The following GSTO1 variants were observed in gnomAD, a reference collection of about 807,000 sequenced individuals.
GSTO1 encodes glutathione S-transferase omega 1.
In GSTO1, 27 loss-of-function variants were observed where a neutral mutation model predicts 23.8. That is an observed-to-expected ratio of 1.13 (90% confidence interval 0.83 to 1.56). The LOEUF is 1.56. Ranked by LOEUF, GSTO1 falls within the 40% of genes most tolerant of loss-of-function variation. GSTO1 has a pLI of 0.00. For synonymous variants in GSTO1, 105 were observed against 109.3 expected (o/e 0.96, Z 0.25); for missense variants, 255 against 285.8 (o/e 0.89, Z 0.78).
intron 4 of GSTO1, 35 bp downstream of exon 4, chr10:104,263,112 GATAACT>G (rs1564837383): frequency 8.3e-6 from 7 of 842,130 alleles, no homozygotes; most frequent in Admixed American, 8.1e-5. Flanking sequence ...CAGAGTAAAC[GATAACT>G]ATATCTACCC....
At chr10:104,267,129 ATTT>A in intron 5 of GSTO1, 120 bp from the exon 6 acceptor site, 1 of 573,514 alleles carries the variant, frequency 1.7e-6, no homozygotes, top group South Asian at 3.0e-5. Flanking sequence ...ATTTTTAAAT[ATTT>A]TTAATGAAAT....
intron 3 of GSTO1, among the ~76,000 whole-genome samples, chr10:104,262,436 C>T (rs976996123): frequency 1.3e-5 from 2 of 152,142 alleles, no homozygotes; most frequent in Admixed American, 6.6e-5. Context: ...GTTGGCCGGG[C>T]GTGGTGGCTC....
chr10:104,263,842 G>C (rs2011158679), intron 4 of GSTO1, among the ~76,000 whole-genome samples: 1 of 151,358 alleles, frequency 6.6e-6, no homozygotes, highest in African/African-American at 2.4e-5. Context: ...TGGTTTTTCT[G>C]CATCTGTTAC....
chr10:104,263,317 T>G (rs2011154133), intron 4 of GSTO1, among the ~76,000 whole-genome samples: 1 of 152,236 alleles, frequency 6.6e-6, no homozygotes, highest in African/African-American at 2.4e-5. Context: ...AATATTCTGC[T>G]AATGTTAAAA....
At chr10:104,265,628 T>C (rs7096068) in intron 4 of GSTO1, among the ~76,000 whole-genome samples, 11,232 of 152,260 alleles carry the variant, frequency 0.074, 1,389 homozygotes, top group African/African-American at 0.26. Context: ...TTCTCTTGGG[T>C]GTATAGTGTT....
At chr10:104,254,742 C>T (rs377010308), upstream of GSTO1, 51 of 652,332 alleles carry the variant, frequency 7.8e-5, no homozygotes, top group African/African-American at 6.6e-4. Context: ...GACACAGCCC[C>T]TTAAGATGTT....
chr10:104,255,261 A>T lies in GSTO1; in HGVS notation c.133A>T (p.Lys45Ter). 1.2e-6 allele frequency: 2 copies of T among 1,606,670 alleles called. No homozygotes were observed. The highest frequency in any genetic ancestry group is 1.3e-5 in the African/African-American group (1 of 74,876). Residue 45 changes from lysine (K) to a stop codon, truncating the protein, a stop_gained, in exon 2 of 6, where the codon AAG becomes TAG. Transcript: ENST00000369713. LOFTEE classifies it high-confidence loss of function. ...AERTRLVLKA[K>*]GIRHEVININ... is the part of the protein sequence containing the mutation. The stretch of plus-strand genomic sequence containing the variant: ...GAGGACGCGTCTAGTCCTGAAGGCC[A>T]AGGGAATCAGGTGGGCACCCAGGCG...
rs2011179776 is a variant in GSTO1 at position 104,266,128 on chromosome 10, C to T, written c.510C>T (p.Ile170=). The change falls in exon 5 of 6, where the codon ATC becomes ATT. Residue 170 remains isoleucine, a synonymous_variant. Coordinates refer to ENST00000369713, the MANE Select transcript of GSTO1 (RefSeq NM_004832.3). ...CGACCTTCTTTGGTGGCAATTCTAT[C>T]TCTATGATTGATTACCTCATCTGGC... ...KKTTFFGGNS[I]SMIDYLIWPW... is the part of the protein sequence containing the mutation. The T allele has an allele frequency of 1.2e-6, 2 of 1,610,994 alleles. No homozygotes were observed. The highest frequency in any genetic ancestry group is 1.3e-5 in the African/African-American group (1 of 74,974).
Position 104,255,176 on chromosome 10 carries a change from G to T in GSTO1, c.48G>T (p.Pro16=). The T allele has an allele frequency of 6.2e-7, 1 of 1,613,078 alleles. No homozygotes were observed. The highest frequency in any genetic ancestry group is 8.5e-7 in the Non-Finnish European group (1 of 1,179,210). The part of the protein sequence containing the change: ...ARSLGKGSAP[P]GPVPEGSIRI... Reference sequence around the variant, plus strand: ...TCTCCCCGGCAGGAAGCGCGCCCCCGGGGCCGGTCCCGGAGGGCTCGATCC... The same window carrying T: ...TCTCCCCGGCAGGAAGCGCGCCCCCTGGGCCGGTCCCGGAGGGCTCGATCC... The change falls in exon 2 of 6, where the codon CCG becomes CCT. Residue 16 remains proline (P), a synonymous_variant. Transcript: ENST00000369713.
At chr10:104,263,870 T>C (rs1386771391) in intron 4 of GSTO1, among the ~76,000 whole-genome samples, 2 of 152,174 alleles carry the variant, frequency 1.3e-5, no homozygotes, top group Non-Finnish European at 2.9e-5. Flanking sequence ...GAAATGTTCA[T>C]AGAATTTTTT....
At chr10:104,261,271 T>C (rs1043238493) in intron 3 of GSTO1, among the ~76,000 whole-genome samples, 2 of 152,212 alleles carry the variant, frequency 1.3e-5, no homozygotes, top group African/African-American at 4.8e-5. Context: ...AGAGATTCAT[T>C]GTACTATCTA....
upstream of GSTO1, chr10:104,254,774 C>T (rs753449261): frequency 1.4e-6 from 1 of 710,456 alleles, no homozygotes. Context: ...CCCATAAAGC[C>T]GGGAAGGCAC....
chr10:104,259,543 C>G (rs767238375), intron 2 of GSTO1, 33 bp from the exon 3 acceptor site: 2 of 1,395,488 alleles, frequency 1.4e-6, no homozygotes, highest in Non-Finnish European at 2.0e-6. Context: ...AAAGTTGTTT[C>G]CTTCTCTTCA....
chr10:104,259,048 G>A (rs76619382), intron 2 of GSTO1, among the ~76,000 whole-genome samples: 4,660 of 152,192 alleles, frequency 0.031, 267 homozygotes, highest in African/African-American at 0.11. Context: ...CACTGTTGGC[G>A]GGAATGTAAA....
intron 1 of GSTO1, 82 bp from the exon 2 acceptor site, chr10:104,255,081 T>C: frequency 7.0e-7 from 1 of 1,432,714 alleles, no homozygotes; most frequent in Non-Finnish European, 9.7e-7. Context: ...GGGTCGGAGC[T>C]GCAGTGGGAC....
upstream of GSTO1, chr10:104,254,829 A>G: frequency 1.7e-6 from 2 of 1,194,344 alleles, no homozygotes; most frequent in Non-Finnish European, 2.4e-6. Flanking sequence ...CTTTTGAGCT[A>G]AGGAGGAAGC....
upstream of GSTO1, chr10:104,254,723 A>T (rs45466191): frequency 7.3e-3 from 4,489 of 615,430 alleles, 155 homozygotes; most frequent in African/African-American, 0.073. Context: ...TTGGCCAGCG[A>T]GATGCTTTGA....
At chr10:104,262,788 C>T (rs1167242303) in intron 3 of GSTO1, among the ~76,000 whole-genome samples, 191 bp from the exon 4 acceptor site, 1 of 152,158 alleles carries the variant, frequency 6.6e-6, no homozygotes, top group East Asian at 1.9e-4. Flanking sequence ...CCTGACCAAG[C>T]CAGCATTTTA....
intron 2 of GSTO1, 22 bp downstream of exon 2, chr10:104,255,293 G>A (rs1353205699): frequency 2.0e-6 from 3 of 1,511,662 alleles, no homozygotes; most frequent in Non-Finnish European, 2.8e-6. Flanking sequence ...GGCGGGGGAC[G>A]CTCCCCGAGC....
Sources: allele counts gnomAD v4.1 joint callset (sites outside exome capture counted in the v4.1 genomes callset), GRCh38; gene constraint gnomAD v4.1.1; transcripts MANE v1.5; gene names NCBI Gene and HGNC (gene_info 2026-07-23, HGNC 2026-07-21).